UBE3C: variants seen among roughly 807,000 people sequenced by gnomAD.
UBE3C encodes ubiquitin-protein ligase E3C.
In UBE3C, 42 loss-of-function variants were observed where a neutral mutation model predicts 129.4. The ratio of observed to expected loss-of-function variants is 0.32; its 90% CI spans 0.25 to 0.42. UBE3C has a LOEUF of 0.42. Among genes scored for constraint, UBE3C ranks in the 10% least tolerant of loss-of-function variants. UBE3C has a pLI of 1.00. For missense variants in UBE3C, 1,049 were observed against 1,319.1 expected (o/e 0.80, Z 3.17); for synonymous variants, 510 against 492.4 (o/e 1.04, Z -0.47).
intron 17 of UBE3C, among the ~76,000 whole-genome samples, chr7:157,229,103 C>T (rs1478307744): frequency 2.0e-5 from 3 of 152,156 alleles, no homozygotes; most frequent in South Asian, 4.1e-4. Flanking sequence ...ACACTACGTG[C>T]GGTTGCTTTC....
chr7:157,203,432 C>A (rs1809346448), intron 11 of UBE3C, among the ~76,000 whole-genome samples: 1 of 152,108 alleles, frequency 6.6e-6, no homozygotes, highest in Non-Finnish European at 1.5e-5. Context: ...TCAGCCACTT[C>A]TGACTACGCC....
Position 157,207,761 on chromosome 7 carries a change from G to A in UBE3C, c.1635G>A (p.Leu545=). ...MPFTLEELIM[L]SRCLRDACLG... is the part of the protein sequence containing the mutation. ...TTACTTTAGAAGAGCTGATAATGTT[G>A]TCTCGATGCCTTCGAGATGCATGCC... is the stretch of plus-strand genomic sequence containing the variant. The change falls in exon 13 of 23, where the codon TTG becomes TTA. Residue 545 remains leucine, a synonymous_variant. Coordinates refer to ENST00000348165, the MANE Select transcript of UBE3C (RefSeq NM_014671.3). 4 of 1,614,148 alleles carry A rather than the reference G, an allele frequency of 2.5e-6. No individual in the cohort carries two copies. Among genetic ancestry groups the A allele is most frequent in the Non-Finnish European group, 3.4e-6 (4 of 1,180,020 alleles).
At chr7:157,158,075 T>G (rs1392355141) in intron 1 of UBE3C, among the ~76,000 whole-genome samples, 9 of 139,552 alleles carry the variant, frequency 6.4e-5, no homozygotes, top group African/African-American at 2.4e-4. Context: ...TTTTTTTTCC[T>G]GTAAAGGGAG....
chr7:157,177,045 T>G (rs925103557), intron 5 of UBE3C, among the ~76,000 whole-genome samples: 1 of 152,212 alleles, frequency 6.6e-6, no homozygotes, highest in African/African-American at 2.4e-5. Context: ...GTTGAACATT[T>G]CTGAAGTCAT....
chr7:157,236,263 C>G (rs902519325), intron 18 of UBE3C, among the ~76,000 whole-genome samples: 5 of 152,144 alleles, frequency 3.3e-5, no homozygotes, highest in African/African-American at 4.8e-5. Context: ...ATAGAAGCAC[C>G]TAGGTCCATT....
At chr7:157,139,429 T>C in intron 1 of UBE3C, 91 bp downstream of exon 1, 2 of 1,185,956 alleles carry the variant, frequency 1.7e-6, no homozygotes, top group Non-Finnish European at 2.2e-6. Context: ...GGGGCTGGAC[T>C]CGGGGCCGAG....
intron 2 of UBE3C, among the ~76,000 whole-genome samples, chr7:157,167,442 T>C (rs561955015): frequency 8.5e-5 from 13 of 152,338 alleles, no homozygotes; most frequent in Non-Finnish European, 1.5e-4. Context: ...TGTTGCTTAA[T>C]TTTTATAGCA....
chr7:157,183,238 A>G (rs1003393534), intron 8 of UBE3C, among the ~76,000 whole-genome samples: 10 of 152,164 alleles, frequency 6.6e-5, no homozygotes, highest in Non-Finnish European at 1.3e-4. Context: ...GTCCTGCAAG[A>G]CTACACCCAC....
intron 1 of UBE3C, among the ~76,000 whole-genome samples, 167 bp downstream of exon 1, chr7:157,139,505 G>A (rs562952557): frequency 1.3e-5 from 2 of 151,168 alleles, no homozygotes; most frequent in South Asian, 4.2e-4. Flanking sequence ...TCTCGGGGCC[G>A]CTCCGGCCGG....
At chr7:157,223,478 T>C (rs1795793564) in intron 16 of UBE3C, 127 bp downstream of exon 16, 1 of 701,704 alleles carries the variant, frequency 1.4e-6, no homozygotes, top group Non-Finnish European at 2.3e-6. Flanking sequence ...CTTTTCTCAT[T>C]AGGCTGAAAT....
At chr7:157,174,827 A>G in intron 4 of UBE3C, 92 bp from the exon 5 acceptor site, 1 of 853,758 alleles carries the variant, frequency 1.2e-6, no homozygotes, top group East Asian at 2.7e-5. Flanking sequence ...TTAAATGTGC[A>G]TTGCCACTAA....
In UBE3C at chr7:157,139,006, G is replaced by T. The variant is rs1350517518; in HGVS notation, c.-267G>T. 3 of 153,592 alleles carry T rather than the reference G, an allele frequency of 2.0e-5. No individual in the cohort carries two copies. Among genetic ancestry groups the T allele is most frequent in the African/African-American group, 7.2e-5 (3 of 41,428 alleles). The allele number at this position is 153,592 out of a possible 1,614,324, so 9.5% of individuals were successfully genotyped here. ...AAGCGCCGGGTTTGCTGCCCGCTGG[G>T]CGCCCCTGCAGCGGCCCGAGCTGTG... On this transcript the variant is annotated 5_prime_UTR_variant, in exon 1 of 23. Coordinates refer to ENST00000348165, the MANE Select transcript of UBE3C (RefSeq NM_014671.3).
chr7:157,143,896 A>G (rs1807528284), intron 1 of UBE3C, among the ~76,000 whole-genome samples: 1 of 152,134 alleles, frequency 6.6e-6, no homozygotes, highest in African/African-American at 2.4e-5. Context: ...AACATTTAAT[A>G]TGTGTGGGAG....
intron 1 of UBE3C, among the ~76,000 whole-genome samples, chr7:157,163,236 A>G (rs1026838159): frequency 6.6e-6 from 1 of 151,826 alleles, no homozygotes; most frequent in African/African-American, 2.4e-5. Context: ...AAATACAAAA[A>G]ATTAGCCGGG....
At chr7:157,176,745 A>AT (rs1235853537) in intron 5 of UBE3C, among the ~76,000 whole-genome samples, 4 of 152,072 alleles carry the variant, frequency 2.6e-5, no homozygotes, top group African/African-American at 9.7e-5. Flanking sequence ...GCTTGGCCTC[A>AT]TTTGTATTTT....
chr7:157,267,683 CTA>C lies in UBE3C; in HGVS notation c.3182_3183del (p.Tyr1061Ter). ...TGAACCTGCTGAAGCTCCCCGAGTTCTATGACGAGACACTTTTGCGAAGTAAA... is the reference window on the plus strand; with the variant it reads ...TGAACCTGCTGAAGCTCCCCGAGTTCTGACGAGACACTTTTGCGAAGTAAA... Reference protein sequence around the residue: ...CMNLLKLPEFYDETLLRSKLL... With the variant: ...CMNLLKLPEFXDETLLRSKLL... On this transcript the variant is annotated frameshift_variant, in exon 23 of 23. Coordinates refer to ENST00000348165, the MANE Select transcript of UBE3C (RefSeq NM_014671.3). LOFTEE classifies it high-confidence loss of function. The C allele has an allele frequency of 6.2e-7, 1 of 1,613,700 alleles. No homozygotes were observed. Among genetic ancestry groups the C allele is most frequent in the Non-Finnish European group, 8.5e-7 (1 of 1,179,874 alleles).
At chr7:157,211,737 C>A (rs1201760483) in intron 13 of UBE3C, among the ~76,000 whole-genome samples, 1 of 152,054 alleles carries the variant, frequency 6.6e-6, no homozygotes, top group African/African-American at 2.4e-5. Context: ...GTGTTTTATT[C>A]TCAGTTATTT....
At chr7:157,177,904 G>T (rs1808563626) in intron 5 of UBE3C, among the ~76,000 whole-genome samples, 1 of 151,778 alleles carries the variant, frequency 6.6e-6, no homozygotes, top group Non-Finnish European at 1.5e-5. Flanking sequence ...CCTCATTAAA[G>T]GTGATGTGTG....
chr7:157,141,493 C>T (rs956377103), intron 1 of UBE3C, among the ~76,000 whole-genome samples: 7 of 152,132 alleles, frequency 4.6e-5, no homozygotes, highest in Admixed American at 2.0e-4. Context: ...TGGTACAGCC[C>T]GTTGCCCCTA....
Sources: allele counts gnomAD v4.1 joint callset (sites outside exome capture counted in the v4.1 genomes callset), GRCh38; gene constraint gnomAD v4.1.1; transcripts MANE v1.5; gene names NCBI Gene and HGNC (gene_info 2026-07-23, HGNC 2026-07-21).